BRAP: variants seen among roughly 807,000 people sequenced by gnomAD.
BRAP encodes BRCA1 associated protein, also known as BRCA1-associated protein.
Under a neutral mutation model 73.4 loss-of-function variants are expected in BRAP, and 42 were observed. The ratio of observed to expected loss-of-function variants is 0.57; its 90% CI spans 0.45 to 0.74. The LOEUF (loss-of-function observed/expected upper bound fraction) is 0.74, where lower values mean the gene tolerates loss of function less well. BRAP is among the 30% of genes least tolerant of loss of function. The probability of loss-of-function intolerance (pLI) is 0.00; values close to 1 mark genes in which losing one functional copy is unlikely to be tolerated. For missense variants in BRAP, 593 were observed against 751.4 expected (o/e 0.79, Z 2.46); for synonymous variants, 255 against 267.4 (o/e 0.95, Z 0.45).
intron 9 of BRAP, among the ~76,000 whole-genome samples, chr12:111,656,227 T>G (rs1479295937): frequency 6.6e-6 from 1 of 152,192 alleles, no homozygotes; most frequent in Non-Finnish European, 1.5e-5. Flanking sequence ...CATGAATGAA[T>G]GAACAGTGCT....
chr12:111,650,633 G>A (rs1886282811), intron 10 of BRAP, among the ~76,000 whole-genome samples: 2 of 152,116 alleles, frequency 1.3e-5, no homozygotes, highest in South Asian at 4.1e-4. Context: ...GACCTCAAGT[G>A]AGGCTTGCCT....
chr12:111,646,314 C>G (rs1261962230), intron 11 of BRAP, among the ~76,000 whole-genome samples: 1 of 151,668 alleles, frequency 6.6e-6, no homozygotes, highest in African/African-American at 2.4e-5. Context: ...ACCAAAAACA[C>G]TCACACACAA....
chr12:111,681,883 C>T (rs759460880), intron 2 of BRAP, 48 bp from the exon 3 acceptor site: 1 of 1,510,514 alleles, frequency 6.6e-7, no homozygotes, highest in Non-Finnish European at 9.0e-7. Context: ...AGGACATATG[C>T]TGAAGGATTT....
intron 1 of BRAP, chr12:111,685,478 C>T (rs1887783375): frequency 2.6e-5 from 26 of 1,017,226 alleles, no homozygotes; most frequent in Non-Finnish European, 3.4e-5. Flanking sequence ...CAGGTATAAA[C>T]TAAATGCCCT....
Position 111,685,897 on chromosome 12 carries a change from T to A in BRAP, c.-105A>T. On this transcript the variant is annotated 5_prime_UTR_variant, in exon 1 of 12. Coordinates refer to ENST00000419234, the MANE Select transcript of BRAP (RefSeq NM_006768.5). The stretch of plus-strand genomic sequence containing the variant: ...GCCGGCAGCGCCGCCACCACCTCAA[T>A]GCAGTTGCCGCCGCCTCAGCAGCAG... 1.5e-6 allele frequency: 1 copy of A among 665,244 alleles called. No homozygotes were observed. The highest frequency in any genetic ancestry group is 2.2e-6 in the Non-Finnish European group (1 of 455,244). The allele number at this position is 665,244 out of a possible 1,614,324, so 41.2% of individuals were successfully genotyped here.
intron 1 of BRAP, 44 bp downstream of exon 1, chr12:111,685,667 C>T: frequency 6.3e-7 from 1 of 1,575,508 alleles, no homozygotes; most frequent in Non-Finnish European, 8.6e-7. Context: ...GCCCTCCGGG[C>T]CCAGACCCGG....
chr12:111,685,665 G>A (rs762689287), intron 1 of BRAP, 46 bp downstream of exon 1: 11 of 1,571,946 alleles, frequency 7.0e-6, no homozygotes, highest in African/African-American at 1.4e-5. Context: ...AAGCCCTCCG[G>A]GCCCAGACCC....
chr12:111,661,366 G>A (rs1234657022), intron 6 of BRAP, among the ~76,000 whole-genome samples: 3 of 149,486 alleles, frequency 2.0e-5, no homozygotes, highest in Non-Finnish European at 4.4e-5. Context: ...TGCAACCTCA[G>A]CCTCCTAGGT....
At chr12:111,661,331 G>A (rs1241421083) in intron 6 of BRAP, among the ~76,000 whole-genome samples, 1 of 148,954 alleles carries the variant, frequency 6.7e-6, no homozygotes, top group Non-Finnish European at 1.5e-5. Context: ...CCAGGCTGGA[G>A]TGCAACGGCA....
chr12:111,660,775 T>C (rs1886718757), intron 6 of BRAP, 100 bp from the exon 7 acceptor site: 2 of 842,542 alleles, frequency 2.4e-6, no homozygotes, highest in Non-Finnish European at 3.6e-6. Flanking sequence ...CTCCTCCTCT[T>C]ATATGCTATT....
At chr12:111,672,262 T>C (rs1887206777) in intron 5 of BRAP, among the ~76,000 whole-genome samples, 1 of 152,180 alleles carries the variant, frequency 6.6e-6, no homozygotes, top group Non-Finnish European at 1.5e-5. Flanking sequence ...AAACATTTAT[T>C]TTCAGCTCCA....
chr12:111,683,081 C>A, intron 2 of BRAP, 65 bp downstream of exon 2: 1 of 1,522,872 alleles, frequency 6.6e-7, no homozygotes, highest in South Asian at 1.3e-5. Context: ...CATCAAACAC[C>A]GTGTATAAAA....
intron 5 of BRAP, among the ~76,000 whole-genome samples, chr12:111,671,166 T>C (rs975304175): frequency 4.6e-5 from 7 of 152,112 alleles, no homozygotes; most frequent in African/African-American, 1.7e-4. Flanking sequence ...AGAGCTGTAT[T>C]GCTACTTTAC....
At chr12:111,654,933 T>G (rs935981416) in intron 10 of BRAP, among the ~76,000 whole-genome samples, 1 of 152,212 alleles carries the variant, frequency 6.6e-6, no homozygotes, top group East Asian at 1.9e-4. Flanking sequence ...TATACACAGA[T>G]GCTTACTAGT....
intron 9 of BRAP, 87 bp from the exon 10 acceptor site, chr12:111,655,742 C>T (rs906213721): frequency 3.6e-6 from 4 of 1,096,334 alleles, no homozygotes; most frequent in South Asian, 2.6e-5. Context: ...TTTAATGATC[C>T]ACAGAAAACT....
In BRAP at chr12:111,644,452, T is replaced by C. The variant is rs534723839; in HGVS notation, c.1526A>G (p.Lys509Arg). The C allele has an allele frequency of 1.9e-6, 3 of 1,614,034 alleles. No individual in the cohort carries two copies. The South Asian group carries it at 3.3e-5, about 18-fold the overall frequency. ...ANQVLLQNKL[K>R]EEERVLKETC... ...CTCCTTCAGCACCCTCTCCTCCTCT[T>C]TTAGCTTGTTCTGCAGGAGGACTTG... Residue 509 changes from lysine to arginine, a missense_variant, in exon 12 of 12, where the codon AAA becomes AGA. Physicochemically the swap from Lys to Arg is conservative, Grantham distance 26 (BLOSUM62 2). Transcript: ENST00000419234.
At chr12:111,645,757 G>A (rs1445415274) in intron 11 of BRAP, among the ~76,000 whole-genome samples, 2 of 151,724 alleles carry the variant, frequency 1.3e-5, no homozygotes, top group African/African-American at 2.4e-5. Flanking sequence ...CGAGAGGATC[G>A]CTTCAGTAAA....
At chr12:111,668,645 CTT>C (rs560483710) in intron 5 of BRAP, among the ~76,000 whole-genome samples, 2,282 of 139,632 alleles carry the variant, frequency 0.016, 68 homozygotes, top group African/African-American at 0.056. Flanking sequence ...AAAAAGAATT[CTT>C]TTTTTTTTTT....
rs1887507402 is a variant in BRAP at position 111,679,289 on chromosome 12, A to T, written c.495T>A (p.Ile165=). The change falls in exon 4 of 12, where the codon ATT becomes ATA. Residue 165 remains isoleucine, a synonymous_variant. Coordinates refer to ENST00000419234, the MANE Select transcript of BRAP (RefSeq NM_006768.5). ...EDVRRSAMLC[I]LTVPAAMTSH... is the part of the protein sequence containing the mutation. ...TGGTCATTGCAGCAGGGACTGTGAG[A>T]ATACACAGCATGGCACTGCGCCGCA... 15 of 1,606,708 alleles carry T rather than the reference A, an allele frequency of 9.3e-6. No homozygotes were observed. The highest frequency in any genetic ancestry group is 1.3e-5 in the Non-Finnish European group (15 of 1,175,866).
Sources: gnomAD v4.1 joint callset for allele counts (sites outside exome capture counted in the v4.1 genomes callset) on GRCh38, gnomAD v4.1.1 for gene constraint, MANE v1.5 for transcripts, NCBI Gene and HGNC (gene_info 2026-07-23, HGNC 2026-07-21) for gene names.